The following SEC22A variants were observed in gnomAD, a reference collection of about 807,000 sequenced individuals.
SEC22A encodes the protein SEC22 homolog A, vesicle trafficking protein.
SEC22A carries 22 observed loss-of-function variants against 35.3 expected under a neutral mutation model. That is an observed-to-expected ratio of 0.62 (90% confidence interval 0.45 to 0.89). The LOEUF (loss-of-function observed/expected upper bound fraction) is 0.89, where lower values mean the gene tolerates loss of function less well. Ranked by LOEUF, SEC22A falls within the 40% of genes least tolerant of loss-of-function variation. The pLI is 0.00. For missense variants in SEC22A, 354 were observed against 362.5 expected (o/e 0.98, Z 0.19); for synonymous variants, 119 against 129.5 (o/e 0.92, Z 0.55).
rs1937895494 is a variant in SEC22A at position 123,261,571 on chromosome 3, AC to A, written c.723+1983del. Reference sequence around the variant, plus strand: ...TGATCTCATTTGATTTTTATCTAAAACTGTGAGGTATTTAATATAATTTTAT... The same window carrying A: ...TGATCTCATTTGATTTTTATCTAAAATGTGAGGTATTTAATATAATTTTAT... On this transcript the variant is annotated intron_variant, in intron 6 of 6. Coordinates refer to ENST00000492595, the MANE Select transcript of SEC22A (RefSeq NM_012430.5). Among the ~76,000 whole-genome samples, 3 of 145,208 alleles carry A rather than the reference AC, an allele frequency of 2.1e-5. No homozygotes were observed. In the South Asian group the frequency reaches 6.6e-4, roughly 32 times the overall value.
intron 2 of SEC22A, among the ~76,000 whole-genome samples, chr3:123,215,576 A>G (rs1937005820): frequency 6.6e-6 from 1 of 152,136 alleles, no homozygotes; most frequent in Non-Finnish European, 1.5e-5. Flanking sequence ...GATGCTGGGC[A>G]GGTAGATGCT....
Position 123,223,734 on chromosome 3 carries a change from AT to A in SEC22A, c.346+21del, listed in dbSNP as rs763126503. The stretch of plus-strand genomic sequence containing the variant: ...TTTCATTGAATTTGGTAAGGGCCTG[AT>A]TTTTTTTTCCTTTTTATTCTGTCTG... On this transcript the variant is annotated intron_variant, in intron 3 of 6. Coordinates refer to ENST00000492595, the MANE Select transcript of SEC22A (RefSeq NM_012430.5). 59 of 1,591,522 alleles carry A rather than the reference AT, an allele frequency of 3.7e-5. No individual in the cohort carries two copies. Among genetic ancestry groups the A allele is most frequent in the South Asian group, 5.6e-5 (5 of 88,876 alleles).
intron 5 of SEC22A, among the ~76,000 whole-genome samples, chr3:123,253,231 G>A (rs927628752): frequency 6.6e-6 from 1 of 152,084 alleles, no homozygotes; most frequent in Non-Finnish European, 1.5e-5. Flanking sequence ...ATCTCATCTT[G>A]CAATTCTGCA....
At chr3:123,268,158 T>G (rs1938066770) in intron 6 of SEC22A, among the ~76,000 whole-genome samples, 1 of 152,154 alleles carries the variant, frequency 6.6e-6, no homozygotes, top group Non-Finnish European at 1.5e-5. Context: ...ATGGTGTGGG[T>G]ATGGGTGGGT....
At chr3:123,223,422 C>A in intron 2 of SEC22A, 137 bp from the exon 3 acceptor site, 1 of 643,000 alleles carries the variant, frequency 1.6e-6, no homozygotes, top group Non-Finnish European at 2.5e-6. Flanking sequence ...TAAATTTTTT[C>A]CTAGAATATA....
chr3:123,205,390 A>G (rs933043021), intron 1 of SEC22A, among the ~76,000 whole-genome samples: 4 of 152,180 alleles, frequency 2.6e-5, no homozygotes, highest in East Asian at 3.9e-4. Flanking sequence ...GCTAAAGTAC[A>G]TATTAGGAAA....
At chr3:123,253,599 T>G (rs1412187279) in intron 5 of SEC22A, among the ~76,000 whole-genome samples, 1 of 151,802 alleles carries the variant, frequency 6.6e-6, no homozygotes, top group Non-Finnish European at 1.5e-5. Flanking sequence ...ATAATCCCAG[T>G]TACTCCGCAG....
intron 2 of SEC22A, among the ~76,000 whole-genome samples, chr3:123,218,701 G>C (rs760555437): frequency 2.0e-5 from 3 of 152,160 alleles, no homozygotes; most frequent in Non-Finnish European, 4.4e-5. Context: ...CTGTCATTTA[G>C]TCAAGTATTT....
chr3:123,205,740 C>T (rs144503077), intron 1 of SEC22A, among the ~76,000 whole-genome samples: 71 of 152,142 alleles, frequency 4.7e-4, no homozygotes, highest in Middle Eastern at 3.4e-3. Context: ...TAAGTTTGTC[C>T]AACTTTAGTT....
Position 123,245,997 on chromosome 3 carries a change from A to G in SEC22A, c.640A>G (p.Ile214Val). The G allele has an allele frequency of 6.2e-7, 1 of 1,601,754 alleles. No homozygotes were observed. ...ALNLIRGFHA[I>V]ESLLQSDGDD... ...GAATTTAATTCGAGGCTTTCATGCTATAGAAAGTCTCCTGCAGGTACTGTG... is the reference window on the plus strand; with the variant it reads ...GAATTTAATTCGAGGCTTTCATGCTGTAGAAAGTCTCCTGCAGGTACTGTG... The change falls in exon 5 of 7, where the codon ATA becomes GTA. Residue 214 changes from isoleucine to valine, a missense_variant. Transcript: ENST00000492595.
intron 6 of SEC22A, among the ~76,000 whole-genome samples, chr3:123,266,523 A>G (rs1938030070): frequency 1.3e-5 from 2 of 152,054 alleles, no homozygotes; most frequent in African/African-American, 4.8e-5. Context: ...TTTCCTTAAG[A>G]CTTCCTCTTT....
intron 4 of SEC22A, among the ~76,000 whole-genome samples, chr3:123,225,743 ATTG>A (rs1937209002): frequency 6.6e-6 from 1 of 152,178 alleles, no homozygotes; most frequent in Non-Finnish European, 1.5e-5. Flanking sequence ...ACAATAAATT[ATTG>A]TTGACTGTAG....
At chr3:123,231,515 A>G (rs548028181) in intron 4 of SEC22A, among the ~76,000 whole-genome samples, 7 of 152,248 alleles carry the variant, frequency 4.6e-5, no homozygotes, top group Non-Finnish European at 1.0e-4. Context: ...AAGTGAAAAC[A>G]GAAAGAAATT....
At chr3:123,214,743 A>G (rs1174774811) in intron 2 of SEC22A, among the ~76,000 whole-genome samples, 1 of 152,236 alleles carries the variant, frequency 6.6e-6, no homozygotes, top group Non-Finnish European at 1.5e-5. Flanking sequence ...ATAGTTGTAC[A>G]TTTTGAAATC....
chr3:123,269,560 C>T (rs1160580792), intron 6 of SEC22A, among the ~76,000 whole-genome samples: 1 of 151,898 alleles, frequency 6.6e-6, no homozygotes, highest in Non-Finnish European at 1.5e-5. Flanking sequence ...ATCAGACACA[C>T]CCAAGTTGAG....
At chr3:123,206,851 G>A (rs566851591) in intron 1 of SEC22A, among the ~76,000 whole-genome samples, 61 of 152,210 alleles carry the variant, frequency 4.0e-4, no homozygotes, top group Non-Finnish European at 2.6e-4. Flanking sequence ...ACTTTGGGAG[G>A]CTGAGGTGGA....
intron 6 of SEC22A, among the ~76,000 whole-genome samples, chr3:123,265,508 T>G (rs1233500526): frequency 1.3e-5 from 2 of 152,098 alleles, no homozygotes; most frequent in African/African-American, 4.8e-5. Flanking sequence ...GTATCTTATC[T>G]TTTCATCCTC....
intron 5 of SEC22A, among the ~76,000 whole-genome samples, chr3:123,253,985 TAAC>T (rs1425679948): frequency 6.6e-6 from 1 of 151,492 alleles, no homozygotes; most frequent in Non-Finnish European, 1.5e-5. Context: ...AAAATAAAAA[TAAC>T]AAAAAAGAGT....
chr3:123,252,430 G>C (rs1367322904), intron 5 of SEC22A, among the ~76,000 whole-genome samples: 2 of 152,080 alleles, frequency 1.3e-5, no homozygotes, highest in Admixed American at 1.3e-4. Flanking sequence ...TGTTAGAGGA[G>C]GGGGAAGGGC....
Sources: allele counts gnomAD v4.1 joint callset (sites outside exome capture counted in the v4.1 genomes callset), GRCh38; gene constraint gnomAD v4.1.1; transcripts MANE v1.5; gene names NCBI Gene and HGNC (gene_info 2026-07-23, HGNC 2026-07-21).